GPAM: variants seen among roughly 807,000 people sequenced by gnomAD.
The protein encoded by GPAM is glycerol-3-phosphate acyltransferase 1, mitochondrial.
GPAM carries 56 observed loss-of-function variants against 105.0 expected under a neutral mutation model. The observed-to-expected ratio is 0.53, with a 90% confidence interval of 0.43 to 0.67. The LOEUF is 0.67. Ranked by LOEUF, GPAM falls within the 30% of genes least tolerant of loss-of-function variation. GPAM has a pLI of 0.00. For missense variants in GPAM, 855 were observed against 989.8 expected (o/e 0.86, Z 1.83); for synonymous variants, 368 against 354.4 (o/e 1.04, Z -0.43).
At chr10:112,167,829 T>C (rs1333352606) in intron 11 of GPAM, among the ~76,000 whole-genome samples, 2 of 152,240 alleles carry the variant, frequency 1.3e-5, no homozygotes. Flanking sequence ...ATGATTTATA[T>C]ACTCTTTTGT....
chr10:112,199,198 C>T (rs544486785), intron 1 of GPAM, among the ~76,000 whole-genome samples: 4 of 152,008 alleles, frequency 2.6e-5, no homozygotes, highest in East Asian at 1.9e-4. Flanking sequence ...TCAGGCAATC[C>T]GCCTGCCTCG....
chr10:112,174,323 A>G (rs973728445), intron 6 of GPAM, among the ~76,000 whole-genome samples: 1 of 152,350 alleles, frequency 6.6e-6, no homozygotes, highest in South Asian at 2.1e-4. Flanking sequence ...GGGACCAAAA[A>G]TGGTCATAAA....
In GPAM at chr10:112,153,282, T is replaced by A; in HGVS notation, c.*268A>T. 1 of 1,269,436 alleles carries A rather than the reference T, an allele frequency of 7.9e-7. No homozygotes were observed. Among genetic ancestry groups the A allele is most frequent in the South Asian group, 1.8e-5 (1 of 54,932 alleles). The allele number at this position is 1,269,436 out of a possible 1,614,324, so 78.6% of individuals were successfully genotyped here. On this transcript the variant is annotated 3_prime_UTR_variant, in exon 22 of 22. Transcript: ENST00000348367. ...AATCTTTAATAAACTCAAAAATAAT[T>A]TATTGAGATTTCATCTTGTAGTCTA...
chr10:112,164,397 TAA>T, intron 13 of GPAM, 126 bp downstream of exon 13: 1 of 685,030 alleles, frequency 1.5e-6, no homozygotes, highest in Non-Finnish European at 2.7e-6. Context: ...CTTATTGGAC[TAA>T]GAGAAAAGTT....
chr10:112,211,443 C>G (rs764145298), intron 1 of GPAM, among the ~76,000 whole-genome samples: 1 of 152,160 alleles, frequency 6.6e-6, no homozygotes. Flanking sequence ...ATGGCCAGGG[C>G]GGCAAGTATT....
chr10:112,150,457 G>A lies in GPAM; in HGVS notation c.*3093C>T. 1.0e-6 allele frequency: 1 copy of A among 985,108 alleles called. No individual in the cohort carries two copies. 61.0% of individuals were successfully genotyped at this position (985,108 alleles called of 1,614,324 possible). A position where few individuals can be genotyped will look rare whatever the true frequency, so the allele number is the denominator to read the frequency against. ...AATTTTCTGTGCTTATTTTCTGCAG[G>A]GGAGGAAATACACATCTATTCAACG... On this transcript the variant is annotated 3_prime_UTR_variant, in exon 22 of 22. Coordinates refer to ENST00000348367, the MANE Select transcript of GPAM (RefSeq NM_001244949.2).
chr10:112,178,711 C>T (rs77927530), intron 4 of GPAM, among the ~76,000 whole-genome samples: 2,548 of 152,226 alleles, frequency 0.017, 72 homozygotes, highest in African/African-American at 0.059. Context: ...AAAGACCACG[C>T]TAAGTACCAT....
intron 18 of GPAM, 71 bp downstream of exon 18, chr10:112,158,245 A>G: frequency 2.0e-6 from 2 of 1,002,722 alleles, no homozygotes; most frequent in East Asian, 2.4e-5. Context: ...ATTGGTTTAA[A>G]TAAGTTGTAG....
chr10:112,187,341 TAAGAC>T (rs1396496144), upstream of GPAM, among the ~76,000 whole-genome samples: 5 of 152,124 alleles, frequency 3.3e-5, no homozygotes, highest in African/African-American at 7.2e-5. Context: ...CTTTAAATAT[TAAGAC>T]AAGTAAAAGT....
the GPAM span, among the ~76,000 whole-genome samples, chr10:112,220,884 G>A: frequency 2.2e-4 from 28 of 129,344 alleles, no homozygotes; most frequent in African/African-American, 4.9e-4. Flanking sequence ...ACACACACAC[G>A]TCAACTTACA....
At position 112,182,518 on chromosome 10, in the gene GPAM, T is replaced by A. The variant is rs568400457; in HGVS notation, c.-30+276A>T. On this transcript the variant is annotated intron_variant, in intron 2 of 21. Transcript: ENST00000348367. ...AGTAAACTCCTAGAATAGATATTAA[T>A]CCAAAATATAAAAACTTTCAAACAT... Among the ~76,000 whole-genome samples the A allele has an allele frequency of 1.8e-3, 280 of 152,338 alleles. 2 individuals are homozygous for A. The highest frequency in any genetic ancestry group is 6.2e-3 in the African/African-American group (259 of 41,580).
upstream of GPAM, among the ~76,000 whole-genome samples, chr10:112,217,436 G>A (rs1024218432): frequency 2.0e-5 from 3 of 147,444 alleles, no homozygotes; most frequent in Admixed American, 2.0e-4. Flanking sequence ...TCCACGTTTT[G>A]TTTGTTTTTT....
At position 112,173,546 on chromosome 10, in the gene GPAM, A is replaced by G. The variant is rs202076783; in HGVS notation, c.560+153T>C. ...CAGTGCTACTTTGCACGAAAGCTGA[A>G]TAAGAATATAAGAAGAGTTTAATTT... On this transcript the variant is annotated intron_variant, in intron 7 of 21. Coordinates refer to ENST00000348367, the MANE Select transcript of GPAM (RefSeq NM_001244949.2). Among the ~76,000 whole-genome samples the G allele has an allele frequency of 3.9e-5, 6 of 152,364 alleles. No individual in the cohort carries two copies. In the East Asian group the frequency reaches 1.2e-3, roughly 29 times the overall value.
intron 6 of GPAM, 114 bp downstream of exon 6, chr10:112,175,486 A>G: frequency 1.4e-6 from 1 of 736,222 alleles, no homozygotes; most frequent in Non-Finnish European, 2.5e-6. Flanking sequence ...AAATGTGAAC[A>G]CTTCTTGAGA....
intron 7 of GPAM, among the ~76,000 whole-genome samples, 162 bp downstream of exon 7, chr10:112,173,537 G>A (rs914010775): frequency 6.6e-6 from 1 of 152,174 alleles, no homozygotes; most frequent in Non-Finnish European, 1.5e-5. Flanking sequence ...TACTTTGCAC[G>A]AAAGCTGAAT....
intron 1 of GPAM, among the ~76,000 whole-genome samples, chr10:112,191,349 C>G (rs1847656233): frequency 6.6e-6 from 1 of 152,174 alleles, no homozygotes; most frequent in Non-Finnish European, 1.5e-5. Flanking sequence ...CAAGGTTCAA[C>G]TCCCCAGGAA....
At chr10:112,158,081 C>T (rs1847049400) in intron 18 of GPAM, among the ~76,000 whole-genome samples, 1 of 152,172 alleles carries the variant, frequency 6.6e-6, no homozygotes, top group African/African-American at 2.4e-5. Flanking sequence ...CAGGTGTGTG[C>T]CACCATGCCC....
At chr10:112,172,161 T>C (rs750889661) in intron 9 of GPAM, 21 bp downstream of exon 9, 1 of 1,570,888 alleles carries the variant, frequency 6.4e-7, no homozygotes, top group South Asian at 1.1e-5. Flanking sequence ...TTCCTTAAAT[T>C]CCAAAATAAG....
chr10:112,203,871 C>T (rs1847828694), intron 1 of GPAM, among the ~76,000 whole-genome samples: 1 of 152,182 alleles, frequency 6.6e-6, no homozygotes, highest in Admixed American at 6.5e-5. Flanking sequence ...GAGGCAGAGT[C>T]TGTTTTTTAA....
Sources: allele counts gnomAD v4.1 joint callset (sites outside exome capture counted in the v4.1 genomes callset), GRCh38; gene constraint gnomAD v4.1.1; transcripts MANE v1.5; gene names NCBI Gene and HGNC (gene_info 2026-07-23, HGNC 2026-07-21).